Variants in ZNF578 observed in about 807,000 individuals in gnomAD.
The protein encoded by ZNF578 is Putative chemokine-related protein B42.
Under a neutral mutation model 8.3 loss-of-function variants are expected in ZNF578, and 8 were observed. That is an observed-to-expected ratio of 0.96 (90% CI 0.56 to 1.74). ZNF578 has a LOEUF of 1.74. ZNF578 is among the 40% of genes most tolerant of loss of function. The probability of loss-of-function intolerance (pLI) is 0.00; values close to 1 mark genes in which losing one functional copy is unlikely to be tolerated. For missense variants in ZNF578, 726 were observed against 707.5 expected, an observed-to-expected ratio of 1.03 and a Z score of -0.30; for synonymous variants, 206 against 232.2, an observed-to-expected ratio of 0.89 and a Z score of 1.03.
rs1453514866 is a variant in ZNF578, at chr19:52,511,948, C to T, written c.1567C>T (p.Gln523Ter). ...CNECGKTFNVQSHLSRHHRLH... is the reference protein window; with the variant it reads ...CNECGKTFNV ...TGAATGTGGGAAGACTTTTAATGTA[C>T]AGTCACACCTTTCACGTCATCATAG... The change falls in exon 6 of 6, where the codon CAG becomes TAG. Residue 523 changes from glutamine (Q) to a stop codon, truncating the protein, a stop_gained. Coordinates refer to ENST00000421239, the MANE Select transcript of ZNF578 (RefSeq NM_001099694.2). LOFTEE classifies it low-confidence loss of function (END_TRUNC). 2 of 1,613,872 alleles carry T rather than the reference C, an allele frequency of 1.2e-6. No homozygotes were observed. The highest frequency in any genetic ancestry group is 2.2e-5 in the South Asian group (2 of 91,080).
chr19:52,459,648 C>CAT (rs374598240), intron 2 of ZNF578, among the ~76,000 whole-genome samples: 17,484 of 130,980 alleles, frequency 0.13, 1,580 homozygotes, highest in East Asian at 0.27. Flanking sequence ...CACACACACA[C>CAT]ACATATATAT....
chr19:52,456,652 A>G lies in ZNF578; in HGVS notation c.-212-216A>G, dbSNP rs868803702. ...GTGGGGAGTAAGCTTTGAAGAACTCAAAAACTGACTTGTTCTTCCTGTAGG... is the reference window on the plus strand; with the variant it reads ...GTGGGGAGTAAGCTTTGAAGAACTCGAAAACTGACTTGTTCTTCCTGTAGG... On this transcript the variant is annotated intron_variant, in intron 1 of 5. Transcript: ENST00000421239. The G allele has an allele frequency of 3.3e-5, 5 of 152,746 alleles. No individual in the cohort carries two copies. The Middle Eastern group carries it at 6.1e-3, about 188-fold the overall frequency. The allele number at this position is 152,746 out of a possible 1,614,324, so 9.5% of individuals were successfully genotyped here.
At position 52,515,608 on chromosome 19, in the gene ZNF578, CCG is replaced by C. The variant is rs2059471211; in HGVS notation, c.*3455_*3456del. The stretch of plus-strand genomic sequence containing the variant: ...CAGGGTAACTTGGTGAAAATGTCTT[CCG>C]ATCTGAGCCCCAGTGAGCCTCCCTG... On this transcript the variant is annotated 3_prime_UTR_variant, in exon 6 of 6. Transcript: ENST00000421239. 6.6e-6 allele frequency among the ~76,000 whole-genome samples: 1 copy of C among 152,082 alleles called. No individual in the cohort carries two copies. The highest frequency in any genetic ancestry group is 6.5e-5 in the Admixed American group (1 of 15,268).
chr19:52,508,699 G>A (rs1395558757), intron 5 of ZNF578, among the ~76,000 whole-genome samples: 1 of 151,542 alleles, frequency 6.6e-6, no homozygotes, highest in Non-Finnish European at 1.5e-5. Flanking sequence ...GGAGGCTGAG[G>A]CAGGAGAATT....
rs2059441682 is a variant in ZNF578 at position 52,510,765 on chromosome 19, C to T, written c.384C>T (p.Ser128=). The T allele has an allele frequency of 6.2e-7, 1 of 1,612,712 alleles. No homozygotes were observed. The highest frequency in any genetic ancestry group is 1.3e-5 in the African/African-American group (1 of 74,820). The change falls in exon 6 of 6, where the codon TCC becomes TCT. Residue 128 remains serine, a synonymous_variant. Transcript: ENST00000421239. ...QKDERNGHEA[S]MPKIKELMGS... is the part of the protein sequence containing the mutation. ...ATGAAAGAAATGGCCATGAAGCATC[C>T]ATGCCAAAAATCAAAGAGTTGATGG...
intron 2 of ZNF578, chr19:52,475,345 CTTTCTTTCTTT>C: frequency 5.9e-6 from 1 of 168,686 alleles, no homozygotes; most frequent in Non-Finnish European, 1.3e-5. Context: ...TCTTTCTTTT[CTTTCTTTCTTT>C]TTTTTTTTTT....
chr19:52,475,609 G>A (rs536202857), intron 2 of ZNF578, among the ~76,000 whole-genome samples: 17 of 152,180 alleles, frequency 1.1e-4, no homozygotes, highest in African/African-American at 2.6e-4. Context: ...CACCCGCCTC[G>A]GCATCTCAAA....
rs540017160 is a variant in ZNF578 at position 52,470,282 on chromosome 19, A to T, written c.-122+13324A>T. ...CCCCACCACCCTTCTTTGCCTCTAGACCTGTAACTAGACTCAAGTCCCAGT... is the reference window on the plus strand; with the variant it reads ...CCCCACCACCCTTCTTTGCCTCTAGTCCTGTAACTAGACTCAAGTCCCAGT... On this transcript the variant is annotated intron_variant, in intron 2 of 5. Transcript: ENST00000421239. Among the ~76,000 whole-genome samples, 5 of 152,198 alleles carry T rather than the reference A, an allele frequency of 3.3e-5. No individual in the cohort carries two copies. The South Asian group carries it at 1.0e-3, about 32-fold the overall frequency.
Position 52,515,352 on chromosome 19 carries a change from G to T in ZNF578, c.*3198G>T, listed in dbSNP as rs1365913720. ...CTGTTTCCAAGGTCAATAGCTGTGT[G>T]TTCACACTTCTGCATTTTATAAATG... On this transcript the variant is annotated 3_prime_UTR_variant, in exon 6 of 6. Coordinates refer to ENST00000421239, the MANE Select transcript of ZNF578 (RefSeq NM_001099694.2). Among the ~76,000 whole-genome samples, 1 of 152,156 alleles carries T rather than the reference G, an allele frequency of 6.6e-6. No homozygotes were observed. Among genetic ancestry groups the T allele is most frequent in the Non-Finnish European group, 1.5e-5 (1 of 68,026 alleles).
intron 3 of ZNF578, among the ~76,000 whole-genome samples, chr19:52,492,090 G>A (rs1332117307): frequency 6.9e-6 from 1 of 144,822 alleles, no homozygotes; most frequent in Admixed American, 7.2e-5. Flanking sequence ...CCCGGAAGTT[G>A]GAGCTTGCAG....
rs144088993 is a variant in ZNF578 at position 52,504,986 on chromosome 19, C to T, written c.190+205C>T. ...CATCATAACCTCCACCTTCCGGGTT[C>T]AAGTGATTCTCCTGCCTCAGCCTCC... On this transcript the variant is annotated intron_variant, in intron 5 of 5. Transcript: ENST00000421239. Among the ~76,000 whole-genome samples, 176 of 152,334 alleles carry T rather than the reference C, an allele frequency of 1.2e-3. No homozygotes were observed. In the East Asian group the frequency reaches 0.023, roughly 20 times the overall value.
In ZNF578 at chr19:52,513,997, C is replaced by G. The variant is rs1009761653; in HGVS notation, c.*1843C>G. 6.6e-6 allele frequency among the ~76,000 whole-genome samples: 1 copy of G among 151,320 alleles called. No individual in the cohort carries two copies. Among genetic ancestry groups the G allele is most frequent in the Non-Finnish European group, 1.5e-5 (1 of 67,926 alleles). On this transcript the variant is annotated 3_prime_UTR_variant, in exon 6 of 6. Coordinates refer to ENST00000421239, the MANE Select transcript of ZNF578 (RefSeq NM_001099694.2). ...TCAAAACCGTGCCACTGTACTGCAGCGAGGTTGGCAGAGTGAGTCTCCATC... is the reference window on the plus strand; with the variant it reads ...TCAAAACCGTGCCACTGTACTGCAGGGAGGTTGGCAGAGTGAGTCTCCATC...
chr19:52,516,519 G>A lies in ZNF578; in HGVS notation c.*4365G>A, dbSNP rs192467935. Among the ~76,000 whole-genome samples the A allele has an allele frequency of 2.2e-4, 34 of 152,300 alleles. No homozygotes were observed. Among genetic ancestry groups the A allele is most frequent in the Non-Finnish European group, 4.1e-4 (28 of 68,022 alleles). On this transcript the variant is annotated 3_prime_UTR_variant, in exon 6 of 6. Transcript: ENST00000421239. ...GCCTCTGAGCCCAAGCTAAGCCATC[G>A]TATCCCCTGTCACCTGCACGTATAC... is the stretch of plus-strand genomic sequence containing the variant.
chr19:52,454,936 G>GT (rs1307162388), intron 1 of ZNF578: 1 of 152,124 alleles, frequency 6.6e-6, no homozygotes, highest in African/African-American at 2.4e-5. Flanking sequence ...AAACAGTTTG[G>GT]TTTTTTCCTG....
intron 3 of ZNF578, among the ~76,000 whole-genome samples, chr19:52,495,507 C>T (rs2059382821): frequency 6.7e-6 from 1 of 150,260 alleles, no homozygotes; most frequent in Non-Finnish European, 1.5e-5. Flanking sequence ...TGAGCAGAAG[C>T]CCAGGGGGAA....
chr19:52,495,977 T>A (rs1384206718), intron 3 of ZNF578, among the ~76,000 whole-genome samples: 2 of 152,090 alleles, frequency 1.3e-5, no homozygotes, highest in Non-Finnish European at 1.5e-5. Context: ...TTGTAATTGG[T>A]TTCCTTTTTT....
intron 2 of ZNF578, among the ~76,000 whole-genome samples, chr19:52,476,814 G>A (rs2059309707): frequency 1.3e-5 from 2 of 152,160 alleles, no homozygotes; most frequent in African/African-American, 4.8e-5. Flanking sequence ...GGTCCTTACT[G>A]GTTATTACTG....
intron 5 of ZNF578, among the ~76,000 whole-genome samples, chr19:52,506,278 A>G (rs1295459622): frequency 6.6e-6 from 1 of 151,746 alleles, no homozygotes; most frequent in Non-Finnish European, 1.5e-5. Context: ...TTATCTGTCG[A>G]TGGATATCTG....
rs201224129 is a variant in ZNF578, at chr19:52,501,862, C to T, written c.17C>T (p.Ala6Val). 2.8e-4 allele frequency: 445 copies of T among 1,613,566 alleles called. 5 individuals carry two copies. The Middle Eastern group carries it at 0.014, about 50-fold the overall frequency. Residue 6 changes from alanine to valine, a missense_variant, in exon 4 of 6, where the codon GCA becomes GTA. Coordinates refer to ENST00000421239, the MANE Select transcript of ZNF578 (RefSeq NM_001099694.2). MLHEE[A>V]AQKRKGKEPG... The stretch of plus-strand genomic sequence containing the variant: ...TAAAGACTCATGTTACATGAGGAAG[C>T]AGCTCAGAAGAGGAAAGGAAAGGAG...
Sources: gnomAD v4.1 joint callset for allele counts (sites outside exome capture counted in the v4.1 genomes callset) on GRCh38, gnomAD v4.1.1 for gene constraint, MANE v1.5 for transcripts, NCBI Gene and HGNC (gene_info 2026-07-23, HGNC 2026-07-21) for gene names.